DOCK9: variants seen among roughly 807,000 people sequenced by gnomAD.
DOCK9 encodes the protein dedicator of cytokinesis 9.
A neutral mutation model predicts 263.3 loss-of-function variants in DOCK9; 89 were observed. The ratio of observed to expected loss-of-function variants is 0.34; its 90% CI spans 0.28 to 0.40. The LOEUF (loss-of-function observed/expected upper bound fraction) is 0.40, where lower values mean the gene tolerates loss of function less well. DOCK9 is among the 10% of genes least tolerant of loss of function. DOCK9 has a pLI of 1.00. For missense variants in DOCK9, 2,140 were observed against 2,603.4 expected, an observed-to-expected ratio of 0.82 and a Z score of 3.87; for synonymous variants, 976 against 973.1, an observed-to-expected ratio of 1.00 and a Z score of -0.06.
At chr13:98,874,158 G>C (rs1233824831) in intron 27 of DOCK9, among the ~76,000 whole-genome samples, 1 of 152,186 alleles carries the variant, frequency 6.6e-6, no homozygotes, top group Admixed American at 6.5e-5. Flanking sequence ...CCCACCTCCA[G>C]TCCTGGGCAA....
At chr13:99,013,397 G>A (rs949712277) in intron 1 of DOCK9, among the ~76,000 whole-genome samples, 2 of 152,200 alleles carry the variant, frequency 1.3e-5, no homozygotes, top group African/African-American at 4.8e-5. Context: ...TTACAGGCGT[G>A]AGCCACCACA....
chr13:98,917,807 C>A (rs796207939), intron 7 of DOCK9, among the ~76,000 whole-genome samples: 11 of 152,228 alleles, frequency 7.2e-5, no homozygotes, highest in African/African-American at 2.6e-4. Flanking sequence ...AACTCAAATT[C>A]TGTATTTCTT....
intron 20 of DOCK9, 71 bp downstream of exon 20, chr13:98,885,637 G>T: frequency 6.9e-7 from 1 of 1,458,952 alleles, no homozygotes; most frequent in Non-Finnish European, 9.1e-7. Context: ...TGGAAATTCA[G>T]AATCTTAATA....
intron 15 of DOCK9, among the ~76,000 whole-genome samples, chr13:98,891,162 C>T (rs1411888164): frequency 2.0e-5 from 3 of 152,102 alleles, no homozygotes; most frequent in Non-Finnish European, 4.4e-5. Context: ...GAGCTTTTGA[C>T]CCAGCATCTC....
chr13:98,864,166 T>C (rs1294371058), intron 30 of DOCK9, among the ~76,000 whole-genome samples: 1 of 152,240 alleles, frequency 6.6e-6, no homozygotes, highest in Admixed American at 6.5e-5. Context: ...ATTCTCCTAA[T>C]ATTTCTCCAC....
At chr13:98,946,339 G>T (rs1198366968) in intron 2 of DOCK9, among the ~76,000 whole-genome samples, 1 of 152,090 alleles carries the variant, frequency 6.6e-6, no homozygotes, top group African/African-American at 2.4e-5. Flanking sequence ...AGGCTGTGGC[G>T]ATGGTTCCAA....
chr13:98,829,855 A>T lies in DOCK9; in HGVS notation c.4636-99T>A. On this transcript the variant is annotated intron_variant, in intron 41 of 52. Transcript: ENST00000682017. The surrounding 1 kb of genome is among the most constrained non-coding windows in gnomAD (Gnocchi z 4.1). ...TAGGATGTGCCTAAGGACCCAGCAA[A>T]GTGGGGGTTGGGGGGTGCTTTGAGC... 2.9e-6 allele frequency: 3 copies of T among 1,016,958 alleles called. No individual in the cohort carries two copies. The highest frequency in any genetic ancestry group is 4.5e-6 in the Non-Finnish European group (3 of 669,316). 63.0% of individuals were successfully genotyped at this position (1,016,958 alleles called of 1,614,324 possible). A position where few individuals can be genotyped will look rare whatever the true frequency, so the allele number is the denominator to read the frequency against.
At chr13:98,879,811 A>G (rs1357067284) in intron 27 of DOCK9, 87 bp downstream of exon 27, 3 of 1,129,432 alleles carry the variant, frequency 2.7e-6, no homozygotes, top group Non-Finnish European at 3.8e-6. Context: ...ACTGGCACAG[A>G]GAAAGCATGA....
intron 35 of DOCK9, among the ~76,000 whole-genome samples, chr13:98,852,145 C>T (rs1029093045): frequency 4.6e-5 from 7 of 151,940 alleles, no homozygotes; most frequent in Non-Finnish European, 1.0e-4. Flanking sequence ...AAAGGAAAAA[C>T]AGAATTATAA....
intron 1 of DOCK9, among the ~76,000 whole-genome samples, chr13:99,014,228 T>A (rs143864569): frequency 5.3e-5 from 8 of 152,316 alleles, no homozygotes; most frequent in African/African-American, 1.9e-4. Flanking sequence ...CCCAAGCAGG[T>A]CCCGGGCTGT....
At chr13:99,084,681 G>C (rs938088605) in intron 1 of DOCK9, among the ~76,000 whole-genome samples, 1 of 152,226 alleles carries the variant, frequency 6.6e-6, no homozygotes, top group African/African-American at 2.4e-5. Context: ...TATTAAACCA[G>C]TACCTGCAGC....
At chr13:99,058,023 A>G (rs554055112) in intron 1 of DOCK9, among the ~76,000 whole-genome samples, 1 of 152,244 alleles carries the variant, frequency 6.6e-6, no homozygotes, top group East Asian at 1.9e-4. Context: ...GCCAAAACAG[A>G]GGGGGAAGGG....
intron 4 of DOCK9, among the ~76,000 whole-genome samples, chr13:98,925,287 C>A (rs367963508): frequency 2.7e-3 from 407 of 152,250 alleles, no homozygotes; most frequent in African/African-American, 9.2e-3. Flanking sequence ...CAAGGCAATA[C>A]CTAGCTACCG....
intron 34 of DOCK9, chr13:98,854,703 A>G (rs1382919773): frequency 6.6e-6 from 1 of 152,174 alleles, no homozygotes; most frequent in East Asian, 1.9e-4. Flanking sequence ...AGCACTGCGT[A>G]TGACACAAGC....
Position 98,829,865 on chromosome 13 carries a change from G to T in DOCK9, c.4636-109C>A. The stretch of plus-strand genomic sequence containing the variant: ...CTAAGGACCCAGCAAAGTGGGGGTT[G>T]GGGGGTGCTTTGAGCAGGGGTCGCT... On this transcript the variant is annotated intron_variant, in intron 41 of 52. Transcript: ENST00000682017. The surrounding 1 kb of genome is among the most constrained non-coding windows in gnomAD (Gnocchi z 4.1). 3 of 894,284 alleles carry T rather than the reference G, an allele frequency of 3.4e-6. No homozygotes were observed. Among genetic ancestry groups the T allele is most frequent in the East Asian group, 2.7e-5 (1 of 37,598 alleles). The allele number at this position is 894,284 out of a possible 1,614,324, so 55.4% of individuals were successfully genotyped here.
At chr13:98,963,715 T>C (rs1195769899) in intron 1 of DOCK9, among the ~76,000 whole-genome samples, 1 of 152,244 alleles carries the variant, frequency 6.6e-6, no homozygotes, top group African/African-American at 2.4e-5. Flanking sequence ...TAAAAGCTAC[T>C]TGATAGGCTG....
At chr13:99,072,249 T>G (rs961427052) in intron 1 of DOCK9, among the ~76,000 whole-genome samples, 1 of 152,200 alleles carries the variant, frequency 6.6e-6, no homozygotes, top group African/African-American at 2.4e-5. Context: ...ATTTGGGTTG[T>G]CTTCCACAGC....
At position 98,899,980 on chromosome 13, in the gene DOCK9, C is replaced by T. The variant is rs567165870; in HGVS notation, c.1504-1719G>A. 7.9e-5 allele frequency among the ~76,000 whole-genome samples: 12 copies of T among 152,210 alleles called. No homozygotes were observed. The South Asian group carries it at 2.5e-3, about 32-fold the overall frequency. ...AATTTACTCTAAATGATGTTCTAGA[C>T]CATCTTGGAAAACATGAAGAAACAA... On this transcript the variant is annotated intron_variant, in intron 13 of 52. Coordinates refer to ENST00000682017, the MANE Select transcript of DOCK9 (RefSeq NM_001366683.2).
intron 1 of DOCK9, among the ~76,000 whole-genome samples, chr13:99,035,367 GGC>G (rs1260180216): frequency 1.3e-5 from 2 of 152,096 alleles, no homozygotes; most frequent in African/African-American, 4.8e-5. Flanking sequence ...AGTGCTGGTG[GGC>G]CTCTGGCTAC....
Sources: allele counts gnomAD v4.1 joint callset (sites outside exome capture counted in the v4.1 genomes callset), GRCh38; gene constraint gnomAD v4.1.1; non-coding constraint Gnocchi (gnomAD v3.1); transcripts MANE v1.5; gene names NCBI Gene and HGNC (gene_info 2026-07-23, HGNC 2026-07-21).